The following SRGAP2C variants were observed in gnomAD, a reference collection of about 807,000 sequenced individuals.
SRGAP2C encodes SLIT-ROBO Rho GTPase-activating protein 2C.
In SRGAP2C, 15 loss-of-function variants were observed where a neutral mutation model predicts 25.1. The ratio of observed to expected loss-of-function variants is 0.60; its 90% CI spans 0.40 to 0.92. SRGAP2C has a LOEUF of 0.92. Among genes scored for constraint, SRGAP2C ranks in the 40% least tolerant of loss-of-function variants. SRGAP2C has a pLI of 0.00. For synonymous variants in SRGAP2C, 44 were observed against 96.6 expected, an observed-to-expected ratio of 0.46 and a Z score of 3.19; for missense variants, 144 against 264.4, an observed-to-expected ratio of 0.54 and a Z score of 3.16.
chr1:121,188,419 G>A (rs1302671894), intron 2 of SRGAP2C, among the ~76,000 whole-genome samples: 7 of 150,746 alleles, frequency 4.6e-5, no homozygotes, highest in African/African-American at 1.5e-4. Flanking sequence ...CCCATAGGAA[G>A]GGTTCCTGCC....
chr1:121,209,645 G>GT (rs1553323216), intron 2 of SRGAP2C, among the ~76,000 whole-genome samples: 1 of 126,730 alleles, frequency 7.9e-6, no homozygotes, highest in African/African-American at 3.1e-5. Context: ...ATATGACCGT[G>GT]TATCATCACA....
At chr1:121,304,403 G>T (rs1312494577) in intron 3 of SRGAP2C, among the ~76,000 whole-genome samples, 5 of 145,016 alleles carry the variant, frequency 3.4e-5, no homozygotes, top group Non-Finnish European at 6.0e-5. Context: ...CAGAATACCT[G>T]AGTCCAGGTA....
In SRGAP2C at chr1:121,282,543, C is replaced by T. The variant is rs1279028947; in HGVS notation, c.68-2260C>T. Among the ~76,000 whole-genome samples the T allele has an allele frequency of 3.5e-4, 53 of 151,304 alleles. 2 individuals carry two copies. The highest frequency in any genetic ancestry group is 5.9e-4 in the Non-Finnish European group (40 of 67,624). ...CTGGAAAGCCTTTCCACCCTAAAAA[C>T]GCCTTGGTTCTTTTTTTTGTTGTTT... On this transcript the variant is annotated intron_variant, in intron 2 of 9. Coordinates refer to ENST00000367123, the MANE Select transcript of SRGAP2C (RefSeq NM_001329984.2).
chr1:121,226,148 G>A (rs587719385), intron 2 of SRGAP2C, among the ~76,000 whole-genome samples: 1 of 148,252 alleles, frequency 6.7e-6, no homozygotes, highest in East Asian at 2.0e-4. Context: ...TTCTCTAAAT[G>A]GGAAAAAAAA....
At chr1:121,260,280 G>T (rs1399200477) in intron 2 of SRGAP2C, among the ~76,000 whole-genome samples, 1 of 151,708 alleles carries the variant, frequency 6.6e-6, no homozygotes, top group Non-Finnish European at 1.5e-5. Context: ...GTGGATATTG[G>T]GGGAAAGGCA....
chr1:121,324,651 A>G lies in SRGAP2C; in HGVS notation c.423+11A>G, dbSNP rs1658281724. ...AGACTCTTTAAAAAGGTACAGAGATATTTCTAGTCACAGAGGTTCTTGGGT... is the reference window on the plus strand; with the variant it reads ...AGACTCTTTAAAAAGGTACAGAGATGTTTCTAGTCACAGAGGTTCTTGGGT... On this transcript the variant is annotated intron_variant, in intron 4 of 9. Transcript: ENST00000367123. 1 of 1,143,268 alleles carries G rather than the reference A, an allele frequency of 8.7e-7. No individual in the cohort carries two copies. Among genetic ancestry groups the G allele is most frequent in the Non-Finnish European group, 1.3e-6 (1 of 763,274 alleles). The allele number at this position is 1,143,268 out of a possible 1,614,324, so 70.8% of individuals were successfully genotyped here.
chr1:121,275,721 C>G (rs1657093202), intron 2 of SRGAP2C, among the ~76,000 whole-genome samples: 1 of 150,076 alleles, frequency 6.7e-6, no homozygotes, highest in Non-Finnish European at 1.5e-5. Context: ...TAATGGATGA[C>G]TGAACGTCTT....
chr1:121,370,438 C>G (rs1308929368), intron 5 of SRGAP2C, among the ~76,000 whole-genome samples: 2 of 112,582 alleles, frequency 1.8e-5, no homozygotes, highest in Non-Finnish European at 3.7e-5. Context: ...TCTCAGACTT[C>G]CTTTTTTTTT....
chr1:121,220,195 T>C, intron 2 of SRGAP2C, among the ~76,000 whole-genome samples: 1 of 151,732 alleles, frequency 6.6e-6, no homozygotes, highest in African/African-American at 2.4e-5. Flanking sequence ...GCAGAGTGTT[T>C]GAATAGCTGC....
chr1:121,186,603 G>C (rs1332418895), intron 1 of SRGAP2C, among the ~76,000 whole-genome samples: 2 of 151,702 alleles, frequency 1.3e-5, no homozygotes, highest in East Asian at 4.0e-4. Flanking sequence ...GCTGCCCAGC[G>C]CTGGCGGGGC....
Position 121,209,795 on chromosome 1 carries a change from A to G in SRGAP2C, c.67+22282A>G, listed in dbSNP as rs1553323254. ...TTCACATACGGTACTTGATATCTCAATTACATTAGAGGTTAAAACAGTTTT... is the reference window on the plus strand; with the variant it reads ...TTCACATACGGTACTTGATATCTCAGTTACATTAGAGGTTAAAACAGTTTT... On this transcript the variant is annotated intron_variant, in intron 2 of 9. Transcript: ENST00000367123. 3.9e-5 allele frequency among the ~76,000 whole-genome samples: 3 copies of G among 77,502 alleles called. 1 individual carries two copies. Among genetic ancestry groups the G allele is most frequent in the Admixed American group, 2.3e-4 (2 of 8,536 alleles). 50.8% of individuals were successfully genotyped at this position (77,502 alleles called of 152,430 possible).
At chr1:121,366,890 A>G (rs1659337107) in intron 5 of SRGAP2C, among the ~76,000 whole-genome samples, 1 of 142,090 alleles carries the variant, frequency 7.0e-6, no homozygotes, top group Admixed American at 7.2e-5. Context: ...CTGTCTAAGG[A>G]TCTGTTAGCT....
intron 2 of SRGAP2C, among the ~76,000 whole-genome samples, chr1:121,272,305 G>T (rs1656985188): frequency 6.6e-6 from 1 of 151,102 alleles, no homozygotes; most frequent in African/African-American, 2.4e-5. Flanking sequence ...ACAGAATAGG[G>T]ACATTCTTTC....
intron 2 of SRGAP2C, among the ~76,000 whole-genome samples, chr1:121,211,401 A>G (rs1192668204): frequency 3.1e-5 from 4 of 129,372 alleles, no homozygotes; most frequent in Non-Finnish European, 6.6e-5. Context: ...TGAGAGAGAG[A>G]TATATATATA....
intron 3 of SRGAP2C, among the ~76,000 whole-genome samples, chr1:121,322,055 C>T (rs1658222238): frequency 6.7e-6 from 1 of 149,338 alleles, no homozygotes. Context: ...ATTTAAGATA[C>T]AAATGTGTGT....
At chr1:121,341,412 AGAT>A (rs1380755485) in intron 4 of SRGAP2C, among the ~76,000 whole-genome samples, 1 of 109,912 alleles carries the variant, frequency 9.1e-6, no homozygotes, top group Non-Finnish European at 1.9e-5. Flanking sequence ...ATAATATATC[AGAT>A]GATGATAAAA....
At chr1:121,218,577 T>TAA (rs111467989) in intron 2 of SRGAP2C, among the ~76,000 whole-genome samples, 1 of 128,954 alleles carries the variant, frequency 7.8e-6, no homozygotes, top group Non-Finnish European at 1.6e-5. Context: ...CCGTCTCTAC[T>TAA]AAAAAAAAAA....
chr1:121,366,921 T>C (rs1432135447), intron 5 of SRGAP2C, among the ~76,000 whole-genome samples: 4 of 111,202 alleles, frequency 3.6e-5, no homozygotes, highest in Admixed American at 9.6e-5. Flanking sequence ...GTCCTATGTC[T>C]CTTCATATGC....
intron 2 of SRGAP2C, among the ~76,000 whole-genome samples, chr1:121,191,021 C>A (rs1396612318): frequency 2.0e-5 from 3 of 152,064 alleles, no homozygotes; most frequent in African/African-American, 4.8e-5. Flanking sequence ...CTTGTAGTTT[C>A]TTCTTAAAAA....
Sources: gnomAD v4.1 joint callset for allele counts (sites outside exome capture counted in the v4.1 genomes callset) on GRCh38, gnomAD v4.1.1 for gene constraint, MANE v1.5 for transcripts, NCBI Gene and HGNC (gene_info 2026-07-23, HGNC 2026-07-21) for gene names.